ANKS1B: variants seen among roughly 807,000 people sequenced by gnomAD.
The protein encoded by ANKS1B is ankyrin repeat and sterile alpha motif domain containing 1B.
In ANKS1B, 36 loss-of-function variants were observed where a neutral mutation model predicts 148.3. That is an observed-to-expected ratio of 0.24 (90% CI 0.19 to 0.32). The LOEUF is 0.32. Ranked by LOEUF, ANKS1B falls within the 10% of genes least tolerant of loss-of-function variation. ANKS1B has a pLI of 1.00. For missense variants in ANKS1B, 1,157 were observed against 1,542.6 expected (o/e 0.75, Z 4.19); for synonymous variants, 542 against 560.8 (o/e 0.97, Z 0.47).
At chr12:98,811,554 A>T (rs1291729906) in intron 19 of ANKS1B, among the ~76,000 whole-genome samples, 1 of 152,164 alleles carries the variant, frequency 6.6e-6, no homozygotes, top group East Asian at 1.9e-4. Context: ...AGCCAGATGT[A>T]CATTCCTCCT....
chr12:99,276,131 A>C (rs188524083), intron 12 of ANKS1B, among the ~76,000 whole-genome samples: 36 of 152,328 alleles, frequency 2.4e-4, no homozygotes, highest in Non-Finnish European at 4.0e-4. Flanking sequence ...GATTTTACTG[A>C]GTCCTTACTT....
At position 98,933,589 on chromosome 12, in the gene ANKS1B, G is replaced by T. The variant is rs928223108; in HGVS notation, c.2779-101453C>A. Among the ~76,000 whole-genome samples, 3 of 151,926 alleles carry T rather than the reference G, an allele frequency of 2.0e-5. No homozygotes were observed. In the East Asian group the frequency reaches 5.8e-4, roughly 29 times the overall value. ...AGAAACATCTATACTGCTTTTCATA[G>T]CAGCTATACCATTTTACGTTCCCAC... is the stretch of plus-strand genomic sequence containing the variant. On this transcript the variant is annotated intron_variant, in intron 17 of 26. Transcript: ENST00000683438.
intron 2 of ANKS1B, among the ~76,000 whole-genome samples, chr12:99,812,558 CAGAGAGAG>C (rs113030122): frequency 0.26 from 19,180 of 73,106 alleles, 1,556 homozygotes; most frequent in South Asian, 0.38. Context: ...CACACACACA[CAGAGAGAG>C]AGAGAGAGAG....
At chr12:98,877,282 T>C (rs2099693751) in intron 17 of ANKS1B, among the ~76,000 whole-genome samples, 1 of 152,206 alleles carries the variant, frequency 6.6e-6, no homozygotes, top group Admixed American at 6.5e-5. Flanking sequence ...TTGATTCTTA[T>C]TTTCCAAAAC....
At chr12:99,428,133 T>C (rs967912953) in intron 11 of ANKS1B, among the ~76,000 whole-genome samples, 4 of 152,108 alleles carry the variant, frequency 2.6e-5, no homozygotes, top group Non-Finnish European at 5.9e-5. Flanking sequence ...GAGTCTGGCA[T>C]TGGGTGAGTA....
chr12:98,934,162 T>G (rs2099816336), intron 17 of ANKS1B, among the ~76,000 whole-genome samples: 1 of 152,132 alleles, frequency 6.6e-6, no homozygotes, highest in South Asian at 2.1e-4. Context: ...ATAATAATAT[T>G]GAATTGATAT....
chr12:98,807,505 T>C (rs1242861057), intron 20 of ANKS1B, among the ~76,000 whole-genome samples: 2 of 150,474 alleles, frequency 1.3e-5, no homozygotes, highest in Admixed American at 6.6e-5. Flanking sequence ...TGCTGATATA[T>C]ACATGTGTGT....
At chr12:99,922,782 A>C (rs1468619289) in intron 1 of ANKS1B, among the ~76,000 whole-genome samples, 1 of 141,028 alleles carries the variant, frequency 7.1e-6, no homozygotes, top group African/African-American at 2.8e-5. Context: ...TGCCCTTCTG[A>C]ATGGATTAAT....
At chr12:99,235,672 C>A (rs1282188191) in intron 14 of ANKS1B, among the ~76,000 whole-genome samples, 4 of 152,266 alleles carry the variant, frequency 2.6e-5, no homozygotes, top group East Asian at 3.9e-4. Flanking sequence ...ATACTTGGGT[C>A]ACTAAACATA....
At chr12:99,258,641 A>G (rs2075584660) in intron 12 of ANKS1B, among the ~76,000 whole-genome samples, 1 of 147,250 alleles carries the variant, frequency 6.8e-6, no homozygotes, top group Non-Finnish European at 1.5e-5. Flanking sequence ...TTATAATGTA[A>G]ACTTATGTGA....
chr12:99,618,409 G>A (rs1369542435), intron 9 of ANKS1B, among the ~76,000 whole-genome samples: 1 of 152,120 alleles, frequency 6.6e-6, no homozygotes, highest in African/African-American at 2.4e-5. Flanking sequence ...GCACGCCTCA[G>A]TAACTTGGAA....
chr12:98,868,677 A>G (rs2099637911), intron 17 of ANKS1B, among the ~76,000 whole-genome samples: 1 of 152,234 alleles, frequency 6.6e-6, no homozygotes, highest in Admixed American at 6.5e-5. Flanking sequence ...CCAAAAGTCA[A>G]TCCACAAAGT....
intron 26 of ANKS1B, among the ~76,000 whole-genome samples, chr12:98,746,139 G>T (rs895970078): frequency 6.6e-6 from 1 of 152,216 alleles, no homozygotes; most frequent in Non-Finnish European, 1.5e-5. Flanking sequence ...GATACGAGGG[G>T]AAGAGAGGGC....
At chr12:99,345,544 T>A (rs769193557) in intron 12 of ANKS1B, among the ~76,000 whole-genome samples, 1 of 151,986 alleles carries the variant, frequency 6.6e-6, no homozygotes, top group African/African-American at 2.4e-5. Flanking sequence ...TTTAAAAGCA[T>A]AAAGGACTTT....
At chr12:99,730,952 T>C (rs1174856251) in intron 8 of ANKS1B, among the ~76,000 whole-genome samples, 7 of 152,210 alleles carry the variant, frequency 4.6e-5, no homozygotes, top group Non-Finnish European at 7.3e-5. Context: ...TTGCTTGTTT[T>C]TGAGATAGAG....
At chr12:99,407,135 T>A (rs989378206) in intron 11 of ANKS1B, among the ~76,000 whole-genome samples, 1 of 145,512 alleles carries the variant, frequency 6.9e-6, no homozygotes, top group South Asian at 2.1e-4. Flanking sequence ...CTCAACAAAA[T>A]ACTAGCAAAC....
chr12:99,728,562 T>A lies in ANKS1B; in HGVS notation c.1128+44360A>T, dbSNP rs187584637. ...TTAGTCCAACCATTGTGGACGACAG[T>A]ATGGCAATTCGTCAAGGATCTAGAA... On this transcript the variant is annotated intron_variant, in intron 8 of 26. Transcript: ENST00000683438. 5.3e-4 allele frequency among the ~76,000 whole-genome samples: 80 copies of A among 152,328 alleles called. No individual in the cohort carries two copies. The East Asian group carries it at 0.013, about 24-fold the overall frequency.
chr12:99,095,440 A>C (rs1371382449), intron 15 of ANKS1B, among the ~76,000 whole-genome samples: 1 of 152,204 alleles, frequency 6.6e-6, no homozygotes, highest in Non-Finnish European at 1.5e-5. Context: ...TCTCCTCAGG[A>C]TGAGTGGCTA....
At position 99,806,833 on chromosome 12, in the gene ANKS1B, A is replaced by G. The variant is rs75949520; in HGVS notation, c.373-133T>C. 1,772 of 898,836 alleles carry G rather than the reference A, an allele frequency of 2.0e-3. 26 individuals carry two copies. The African/African-American group carries it at 0.026, about 13-fold the overall frequency. 55.7% of individuals were successfully genotyped at this position (898,836 alleles called of 1,614,324 possible). ...TTATCCATTTTAACAAGTATGCCTA[A>G]TGGAATTTTATATTTGATAAAAGTA... On this transcript the variant is annotated intron_variant, in intron 3 of 26. Coordinates refer to ENST00000683438, the MANE Select transcript of ANKS1B (RefSeq NM_001352186.2).
Sources: allele counts gnomAD v4.1 joint callset (sites outside exome capture counted in the v4.1 genomes callset), GRCh38; gene constraint gnomAD v4.1.1; transcripts MANE v1.5; gene names NCBI Gene and HGNC (gene_info 2026-07-23, HGNC 2026-07-21).